MLX: variants seen among roughly 807,000 people sequenced by gnomAD.
MLX encodes MAX dimerization protein MLX.
Under a neutral mutation model 33.0 loss-of-function variants are expected in MLX, and 15 were observed. The ratio of observed to expected loss-of-function variants is 0.45; its 90% CI spans 0.30 to 0.70. MLX has a LOEUF of 0.70. Among genes scored for constraint, MLX ranks in the 30% least tolerant of loss-of-function variants. The pLI is 0.07. For synonymous variants in MLX, 115 were observed against 115.6 expected (o/e 0.99, Z 0.03); for missense variants, 285 against 306.3 (o/e 0.93, Z 0.52).
chr17:42,567,292 C>T, intron 1 of MLX, 126 bp downstream of exon 1: 1 of 1,365,484 alleles, frequency 7.3e-7, no homozygotes, highest in Non-Finnish European at 9.5e-7. Flanking sequence ...TGCCCCGGGG[C>T]TGCAGAGAAG....
At chr17:42,568,032 G>T (rs2093015747) in intron 2 of MLX, 1 of 291,510 alleles carries the variant, frequency 3.4e-6, no homozygotes, top group Admixed American at 4.7e-5. Flanking sequence ...CAGTATGGTT[G>T]GCTTTGGGTT....
rs2093037262 is a variant in MLX, at chr17:42,572,307, C to T, written c.*704C>T. ...CATGGCAGAGGCAGGTATAACACAG[C>T]ACTACATATTGGAAATTTTTTATTT... On this transcript the variant is annotated 3_prime_UTR_variant, in exon 8 of 8. Coordinates refer to ENST00000435881, the MANE Select transcript of MLX (RefSeq NM_198204.2). The T allele has an allele frequency of 4.4e-6, 2 of 451,322 alleles. No individual in the cohort carries two copies. Among genetic ancestry groups the T allele is most frequent in the East Asian group, 1.4e-4 (2 of 14,516 alleles). 28.0% of individuals were successfully genotyped at this position (451,322 alleles called of 1,614,324 possible).
At chr17:42,567,221 C>T (rs773287221) in intron 1 of MLX, 55 bp downstream of exon 1, 3 of 1,313,720 alleles carry the variant, frequency 2.3e-6, no homozygotes, top group Non-Finnish European at 2.9e-6. Flanking sequence ...GGCTCGTGCA[C>T]GTAGGGGGGC....
At position 42,570,129 on chromosome 17, in the gene MLX, C is replaced by G. The variant is rs781122018; in HGVS notation, c.624C>G (p.Phe208Leu). 2.5e-6 allele frequency: 4 copies of G among 1,614,104 alleles called. No individual in the cohort carries two copies. Among genetic ancestry groups the G allele is most frequent in the Non-Finnish European group, 3.4e-6 (4 of 1,180,026 alleles). Residue 208 changes from phenylalanine (F) to leucine (L), a missense_variant, in exon 7 of 8, where the codon TTC becomes TTG. Phe to Leu is a conservative substitution (Grantham distance 22). Coordinates refer to ENST00000435881, the MANE Select transcript of MLX (RefSeq NM_198204.2). ...SFNASISVAS[F>L]QELSACVFSW... ...ATGCCTCCATCTCAGTGGCCAGCTTCCAGGAGCTGTCAGCGTGTGTCTTCA... is the reference window on the plus strand; with the variant it reads ...ATGCCTCCATCTCAGTGGCCAGCTTGCAGGAGCTGTCAGCGTGTGTCTTCA...
chr17:42,573,193 T>C lies in MLX; in HGVS notation c.*1590T>C, dbSNP rs2093047625. ...TGACAAGAAATAAAACCACCCGTTT[T>C]CAGATGGGCAGCACTGGGCACTGCC... On this transcript the variant is annotated 3_prime_UTR_variant, in exon 8 of 8. Transcript: ENST00000435881. 1 of 1,614,188 alleles carries C rather than the reference T, an allele frequency of 6.2e-7. No individual in the cohort carries two copies. The highest frequency in any genetic ancestry group is 1.3e-5 in the African/African-American group (1 of 75,048).
Position 42,568,964 on chromosome 17 carries a change from C to T in MLX, c.276+21C>T, listed in dbSNP as rs765317792. 5 of 1,593,590 alleles carry T rather than the reference C, an allele frequency of 3.1e-6. No individual in the cohort carries two copies. The Admixed American group carries it at 5.2e-5, about 17-fold the overall frequency. On this transcript the variant is annotated intron_variant, in intron 4 of 7. Transcript: ENST00000435881. ...TCAAGGTGAACAGGGAGGCCTGTGC[C>T]TCAGCCAGTGCGGGAGGGCCCTGCA...
Position 42,570,731 on chromosome 17 carries a change from C to T in MLX, c.678+548C>T, listed in dbSNP as rs193207061. On this transcript the variant is annotated intron_variant, in intron 7 of 7. Coordinates refer to ENST00000435881, the MANE Select transcript of MLX (RefSeq NM_198204.2). ...AGTGCAGTGGCACAATCTCGGCTCA[C>T]TGCAACCTCCGCCTCCCGGGTTCAC... Among the ~76,000 whole-genome samples, 1,412 of 152,232 alleles carry T rather than the reference C, an allele frequency of 9.3e-3. 32 individuals carry two copies. Among genetic ancestry groups the T allele is most frequent in the African/African-American group, 0.032 (1,338 of 41,526 alleles).
chr17:42,569,886 G>A (rs966732147), intron 6 of MLX, 96 bp from the exon 7 acceptor site: 120 of 1,211,794 alleles, frequency 9.9e-5, no homozygotes, highest in Non-Finnish European at 1.3e-4. Flanking sequence ...AGCTCTCTGG[G>A]GCTGCCATTC....
intron 2 of MLX, 98 bp downstream of exon 2, chr17:42,567,753 C>A: frequency 6.6e-7 from 1 of 1,515,464 alleles, no homozygotes; most frequent in Non-Finnish European, 9.1e-7. Context: ...ACAGTCCACT[C>A]TCCCTGAGCA....
At chr17:42,569,424 G>A (rs2143256186) in intron 5 of MLX, 83 bp from the exon 6 acceptor site, 3 of 1,502,034 alleles carry the variant, frequency 2.0e-6, no homozygotes, top group South Asian at 1.1e-5. Context: ...GTTGGGGTCT[G>A]GGGTAAGGGG....
At chr17:42,568,779 T>C in intron 3 of MLX, 58 bp from the exon 4 acceptor site, 1 of 1,456,022 alleles carries the variant, frequency 6.9e-7, no homozygotes, top group East Asian at 2.4e-5. Context: ...AAAGGTGGGC[T>C]AGCTGGACCC....
At position 42,572,281 on chromosome 17, in the gene MLX, G is replaced by A. The variant is rs1342755457; in HGVS notation, c.*678G>A. 1 of 432,916 alleles carries A rather than the reference G, an allele frequency of 2.3e-6. No homozygotes were observed. The highest frequency in any genetic ancestry group is 4.6e-6 in the Non-Finnish European group (1 of 215,108). 26.8% of individuals were successfully genotyped at this position (432,916 alleles called of 1,614,324 possible). A position where few individuals can be genotyped will look rare whatever the true frequency, so the allele number is the denominator to read the frequency against. On this transcript the variant is annotated 3_prime_UTR_variant, in exon 8 of 8. Transcript: ENST00000435881. Reference sequence around the variant, plus strand: ...CCCGGTTCCCACAGGCTATGATGCTGCATGGCAGAGGCAGGTATAACACAG... The same window carrying A: ...CCCGGTTCCCACAGGCTATGATGCTACATGGCAGAGGCAGGTATAACACAG...
rs1370806155 is a variant in MLX, at chr17:42,567,737, C to G, written c.79+82C>G. On this transcript the variant is annotated intron_variant, in intron 2 of 7. Transcript: ENST00000435881. ...ATTCTTGTGGCGTTGCCAACCACGC[C>G]TGAGCACAGTCCACTCTCCCTGAGC... The G allele has an allele frequency of 5.7e-6, 9 of 1,576,348 alleles. No homozygotes were observed. The African/African-American group carries it at 1.1e-4, about 19-fold the overall frequency.
chr17:42,567,688 G>T (rs1383361597), intron 2 of MLX, 33 bp downstream of exon 2: 1 of 1,613,998 alleles, frequency 6.2e-7, no homozygotes, highest in East Asian at 2.2e-5. Flanking sequence ...GCTCTAGAGG[G>T]ACACTCCCGC....
chr17:42,573,042 A>G lies in MLX; in HGVS notation c.*1439A>G, dbSNP rs183054464. The stretch of plus-strand genomic sequence containing the variant: ...ACTTCCTCCTGTGAGACAGGGAGAC[A>G]AGTGAATGAGATGTCACCAGGATAA... On this transcript the variant is annotated 3_prime_UTR_variant, in exon 8 of 8. Transcript: ENST00000435881. 1 of 1,614,248 alleles carries G rather than the reference A, an allele frequency of 6.2e-7. No homozygotes were observed. The highest frequency in any genetic ancestry group is 8.5e-7 in the Non-Finnish European group (1 of 1,180,026).
intron 1 of MLX, 163 bp downstream of exon 1, chr17:42,567,329 G>A: frequency 7.1e-7 from 1 of 1,402,538 alleles, no homozygotes; most frequent in Non-Finnish European, 9.3e-7. Context: ...GTGTGCCAAG[G>A]TGGGGAGACA....
Position 42,567,663 on chromosome 17 carries a change from G to GCTGCC in MLX, c.79+10_79+14dup, listed in dbSNP as rs1597717841. ...ACAACAGCCTGGACCCCGGTGAGTA[G>GCTGCC]CTGCCCCATCTTAAGCTCTAGAGGG... On this transcript the variant is annotated intron_variant, in intron 2 of 7. Transcript: ENST00000435881. 2 of 1,614,148 alleles carry GCTGCC rather than the reference G, an allele frequency of 1.2e-6. No homozygotes were observed. The highest frequency in any genetic ancestry group is 4.5e-5 in the East Asian group (2 of 44,874).
chr17:42,570,321 T>C (rs2093025583), intron 7 of MLX, 138 bp downstream of exon 7: 1 of 757,166 alleles, frequency 1.3e-6, no homozygotes, highest in South Asian at 1.8e-5. Flanking sequence ...AGGGCCCTGG[T>C]ATTTTCCCTT....
chr17:42,570,664 T>TC (rs1248562969), intron 7 of MLX, among the ~76,000 whole-genome samples: 1 of 152,206 alleles, frequency 6.6e-6, no homozygotes, highest in African/African-American at 2.4e-5. Context: ...TCTCAACATT[T>TC]TTTTTTTTGA....
Sources: allele counts gnomAD v4.1 joint callset (sites outside exome capture counted in the v4.1 genomes callset), GRCh38; gene constraint gnomAD v4.1.1; transcripts MANE v1.5; gene names NCBI Gene and HGNC (gene_info 2026-07-23, HGNC 2026-07-21).